Variants in PARD3B observed in about 807,000 individuals in gnomAD.
PARD3B encodes par-3 family cell polarity regulator beta.
PARD3B carries 103 observed loss-of-function variants against 130.2 expected under a neutral mutation model. That is an observed-to-expected ratio of 0.79 (90% CI 0.67 to 0.93). The LOEUF is 0.93. Among genes scored for constraint, PARD3B ranks in the 40% least tolerant of loss-of-function variants. The pLI is 0.00. For missense variants in PARD3B, 1,609 were observed against 1,499.2 expected, an observed-to-expected ratio of 1.07 and a Z score of -1.21; for synonymous variants, 583 against 553.2, an observed-to-expected ratio of 1.05 and a Z score of -0.76.
chr2:204,972,949 C>A (rs1418408876), intron 3 of PARD3B, among the ~76,000 whole-genome samples: 1 of 152,172 alleles, frequency 6.6e-6, no homozygotes, highest in East Asian at 1.9e-4. Context: ...AAAATATTTT[C>A]AGCACTGCTG....
intron 21 of PARD3B, among the ~76,000 whole-genome samples, chr2:205,546,063 G>A (rs942726331): frequency 6.6e-6 from 1 of 152,188 alleles, no homozygotes; most frequent in Non-Finnish European, 1.5e-5. Context: ...GCCGGCAGCA[G>A]GCATTGAGTG....
At chr2:204,620,563 G>C (rs114020204) in intron 1 of PARD3B, among the ~76,000 whole-genome samples, 1 of 152,170 alleles carries the variant, frequency 6.6e-6, no homozygotes. Context: ...GAACAGGGCC[G>C]TTATCTACCA....
At chr2:205,029,800 T>C (rs1483680960) in intron 3 of PARD3B, among the ~76,000 whole-genome samples, 1 of 152,068 alleles carries the variant, frequency 6.6e-6, no homozygotes, top group Non-Finnish European at 1.5e-5. Context: ...GACATAAAAC[T>C]CCAAAAACAG....
Position 204,745,233 on chromosome 2 carries a change from C to A in PARD3B, c.222+58951C>A, listed in dbSNP as rs190906862. Among the ~76,000 whole-genome samples, 449 of 152,136 alleles carry A rather than the reference C, an allele frequency of 3.0e-3. 1 individual carries two copies. The highest frequency in any genetic ancestry group is 9.6e-3 in the African/African-American group (398 of 41,516). ...CTGGCTTTTCCCGTGGTAGCATTTC[C>A]TTGGAGAAGGTCAAGGAACTTGTGT... On this transcript the variant is annotated intron_variant, in intron 2 of 22. Coordinates refer to ENST00000406610, the MANE Select transcript of PARD3B (RefSeq NM_001302769.2).
chr2:205,245,883 G>C, intron 16 of PARD3B, 61 bp downstream of exon 16: 1 of 1,407,568 alleles, frequency 7.1e-7, no homozygotes, highest in Non-Finnish European at 1.0e-6. Context: ...CTGTGTTTTA[G>C]TAGCAGTTGG....
At chr2:205,075,198 A>G (rs537152599) in intron 4 of PARD3B, among the ~76,000 whole-genome samples, 82 of 152,288 alleles carry the variant, frequency 5.4e-4, no homozygotes, top group Non-Finnish European at 9.3e-4. Flanking sequence ...TTCCAGACCT[A>G]TAGGTATTTC....
intron 16 of PARD3B, among the ~76,000 whole-genome samples, chr2:205,247,879 C>A (rs1254310568): frequency 6.6e-6 from 1 of 152,062 alleles, no homozygotes; most frequent in East Asian, 1.9e-4. Flanking sequence ...AAATAAGGTT[C>A]AAAATTTATG....
At chr2:204,888,205 G>T (rs1479026980) in intron 2 of PARD3B, among the ~76,000 whole-genome samples, 3 of 152,154 alleles carry the variant, frequency 2.0e-5, no homozygotes, top group Non-Finnish European at 4.4e-5. Context: ...AAACATTTGT[G>T]GATGTGTATT....
chr2:204,545,994 G>A lies in PARD3B; in HGVS notation c.-6G>A, dbSNP rs1318512763. ...GCCCGGCCCGGCGTGGTCGCCGGGG[G>A]CCAGGATGAAAGTGACCGTGTGCTT... On this transcript the variant is annotated 5_prime_UTR_variant, in exon 1 of 23. Coordinates refer to ENST00000406610, the MANE Select transcript of PARD3B (RefSeq NM_001302769.2). The A allele has an allele frequency of 6.4e-7, 1 of 1,559,498 alleles. No individual in the cohort carries two copies. The highest frequency in any genetic ancestry group is 1.8e-5 in the Admixed American group (1 of 54,354).
Position 205,249,745 on chromosome 2 carries a change from A to C in PARD3B, c.2185+3923A>C, listed in dbSNP as rs565448394. On this transcript the variant is annotated intron_variant, in intron 16 of 22. Coordinates refer to ENST00000406610, the MANE Select transcript of PARD3B (RefSeq NM_001302769.2). ...TCTGAGTTGGTAGAATCCTCCTCCA[A>C]ATATGAGAGACATTTAAGTCTATGG... 3.2e-4 allele frequency among the ~76,000 whole-genome samples: 48 copies of C among 152,220 alleles called. 1 individual carries two copies. Among genetic ancestry groups the C allele is most frequent in the African/African-American group, 1.1e-3 (46 of 41,556 alleles).
chr2:204,751,277 C>A (rs1236387086), intron 2 of PARD3B, among the ~76,000 whole-genome samples: 1 of 152,084 alleles, frequency 6.6e-6, no homozygotes, highest in African/African-American at 2.4e-5. Flanking sequence ...TTGATGGGAT[C>A]TGAAGCATAT....
At chr2:204,760,993 A>G (rs2040874480) in intron 2 of PARD3B, among the ~76,000 whole-genome samples, 1 of 152,202 alleles carries the variant, frequency 6.6e-6, no homozygotes, top group African/African-American at 2.4e-5. Context: ...TTTGCACTAG[A>G]CATTTTACAG....
At chr2:204,643,454 C>T (rs950017355) in intron 1 of PARD3B, among the ~76,000 whole-genome samples, 1 of 152,104 alleles carries the variant, frequency 6.6e-6, no homozygotes, top group Non-Finnish European at 1.5e-5. Flanking sequence ...TACAGTAGAA[C>T]TGAGTGTCTT....
chr2:204,701,121 A>G (rs2037870313), intron 2 of PARD3B, among the ~76,000 whole-genome samples: 1 of 152,088 alleles, frequency 6.6e-6, no homozygotes, highest in South Asian at 2.1e-4. Context: ...TTTTCTATGT[A>G]TTTATTCTTT....
chr2:205,124,387 C>T lies in PARD3B; in HGVS notation c.1226C>T (p.Pro409Leu). Residue 409 changes from proline (P) to leucine (L), a missense_variant, in exon 9 of 23, where the codon CCC becomes CTC. Physicochemically the swap from Pro to Leu is moderately conservative, Grantham distance 98 (BLOSUM62 -3). Transcript: ENST00000406610. The part of the protein sequence containing the change: ...TRDSSIHGPG[P>L]IFVKNILPKG... ...GACTCTTCCATACATGGTCCCGGTC[C>T]CATTTTTGTAAAAAACATTTTACCA... 6.2e-7 allele frequency: 1 copy of T among 1,600,906 alleles called. No individual in the cohort carries two copies. The highest frequency in any genetic ancestry group is 1.1e-5 in the South Asian group (1 of 88,710).
intron 14 of PARD3B, among the ~76,000 whole-genome samples, chr2:205,191,073 T>TATAA (rs1314250328): frequency 2.3e-5 from 1 of 43,750 alleles, no homozygotes. Context: ...AGGAAAGAAA[T>TATAA]AGAAAAAAAA....
chr2:204,625,461 A>G (rs1449865500), intron 1 of PARD3B, among the ~76,000 whole-genome samples: 1 of 152,178 alleles, frequency 6.6e-6, no homozygotes, highest in African/African-American at 2.4e-5. Flanking sequence ...ACCACAACTG[A>G]TCCCTGCCAG....
intron 1 of PARD3B, among the ~76,000 whole-genome samples, chr2:204,561,498 A>G (rs2125056060): frequency 6.6e-6 from 1 of 151,854 alleles, no homozygotes; most frequent in South Asian, 2.1e-4. Context: ...AGAGAACAAG[A>G]GGGTGGGCAG....
At chr2:204,841,085 T>C (rs2044243457) in intron 2 of PARD3B, among the ~76,000 whole-genome samples, 1 of 152,166 alleles carries the variant, frequency 6.6e-6, no homozygotes, top group African/African-American at 2.4e-5. Flanking sequence ...AAGAGCACAT[T>C]GGCAAGGACA....
Sources: allele counts gnomAD v4.1 joint callset (sites outside exome capture counted in the v4.1 genomes callset), GRCh38; gene constraint gnomAD v4.1.1; transcripts MANE v1.5; gene names NCBI Gene and HGNC (gene_info 2026-07-23, HGNC 2026-07-21).